AIM2: variants seen among roughly 807,000 people sequenced by gnomAD.
AIM2 encodes the protein interferon-inducible protein AIM2.
Under a neutral mutation model 27.7 loss-of-function variants are expected in AIM2, and 30 were observed. The ratio of observed to expected loss-of-function variants is 1.08; its 90% CI spans 0.81 to 1.47. AIM2 has a LOEUF of 1.47. AIM2 is among the 40% of genes most tolerant of loss of function. The pLI is 0.00. For synonymous variants in AIM2, 141 were observed against 145.3 expected (o/e 0.97, Z 0.21); for missense variants, 358 against 411.3 (o/e 0.87, Z 1.12).
intron 1 of AIM2, among the ~76,000 whole-genome samples, chr1:159,085,171 A>G (rs2102003393): frequency 6.6e-6 from 1 of 152,214 alleles, no homozygotes; most frequent in Non-Finnish European, 1.5e-5. Context: ...CATGTTGATG[A>G]CTTCTAAATC....
At chr1:159,130,882 T>C (rs965913071) in intron 1 of AIM2, among the ~76,000 whole-genome samples, 7 of 151,824 alleles carry the variant, frequency 4.6e-5, no homozygotes, top group African/African-American at 1.7e-4. Flanking sequence ...TGGTATTTTC[T>C]CTTAGGATAA....
At chr1:159,109,452 A>G (rs76089139) in intron 1 of AIM2, among the ~76,000 whole-genome samples, 1 of 152,264 alleles carries the variant, frequency 6.6e-6, no homozygotes, top group Non-Finnish European at 1.5e-5. Flanking sequence ...AAACTATAAA[A>G]ATTCTAGAAG....
chr1:159,062,473 T>G (rs1655868297), downstream of AIM2: 5 of 575,024 alleles, frequency 8.7e-6, no homozygotes, highest in South Asian at 1.1e-4. Context: ...AAGGAGATAG[T>G]GGGACTGTAA....
At chr1:159,070,051 T>C (rs77197757) in intron 2 of AIM2, among the ~76,000 whole-genome samples, 8,181 of 152,238 alleles carry the variant, frequency 0.054, 563 homozygotes, top group East Asian at 0.32. Flanking sequence ...CACAGCTTAG[T>C]GCAAGTCACT....
At chr1:159,141,529 C>T (rs1648109269), upstream of AIM2, among the ~76,000 whole-genome samples, 1 of 152,092 alleles carries the variant, frequency 6.6e-6, no homozygotes, top group South Asian at 2.1e-4. Flanking sequence ...TTTCTCTCCC[C>T]TATAGCCTCC....
At chr1:159,127,115 G>C (rs1205626023) in intron 1 of AIM2, among the ~76,000 whole-genome samples, 1 of 152,176 alleles carries the variant, frequency 6.6e-6, no homozygotes, top group Non-Finnish European at 1.5e-5. Flanking sequence ...CCTACCCCTA[G>C]GGACTGAGAA....
chr1:159,128,404 C>T (rs1647778521), intron 1 of AIM2, among the ~76,000 whole-genome samples: 1 of 152,098 alleles, frequency 6.6e-6, no homozygotes, highest in Non-Finnish European at 1.5e-5. Context: ...TTCTATTTGC[C>T]TTTACTGCAA....
chr1:159,109,608 G>A (rs1039271883), intron 1 of AIM2, among the ~76,000 whole-genome samples: 28 of 152,090 alleles, frequency 1.8e-4, no homozygotes, highest in African/African-American at 6.8e-4. Context: ...GGAACAGTCA[G>A]CAGAGTAAAT....
chr1:159,057,403 A>G, the AIM2 span, among the ~76,000 whole-genome samples: 2 of 152,190 alleles, frequency 1.3e-5, no homozygotes, highest in Non-Finnish European at 2.9e-5. Flanking sequence ...ACACACCTAG[A>G]TAACTGGTGG....
At chr1:159,079,502 A>T (rs1013226062), upstream of AIM2, among the ~76,000 whole-genome samples, 5 of 152,162 alleles carry the variant, frequency 3.3e-5, no homozygotes, top group African/African-American at 1.2e-4. Flanking sequence ...GAGAAAGAAC[A>T]CACACAAAAG....
chr1:159,141,938 C>T (rs754802672), upstream of AIM2, among the ~76,000 whole-genome samples: 20 of 152,208 alleles, frequency 1.3e-4, no homozygotes, highest in Non-Finnish European at 2.9e-4. Flanking sequence ...CAGGACAGAA[C>T]TAGAGCCTTT....
chr1:159,077,417 C>T (rs1656651792), upstream of AIM2, among the ~76,000 whole-genome samples: 2 of 152,106 alleles, frequency 1.3e-5, no homozygotes, highest in Admixed American at 6.6e-5. Flanking sequence ...TGGGAATTTC[C>T]CCATGGAAGT....
At chr1:159,069,003 A>G (rs941960826) in intron 2 of AIM2, among the ~76,000 whole-genome samples, 2 of 152,034 alleles carry the variant, frequency 1.3e-5, no homozygotes, top group Non-Finnish European at 2.9e-5. Flanking sequence ...TTAGCCAGGT[A>G]TAATGGCACA....
intron 1 of AIM2, among the ~76,000 whole-genome samples, chr1:159,088,591 G>A (rs915333619): frequency 4.6e-5 from 7 of 152,106 alleles, no homozygotes; most frequent in Non-Finnish European, 1.0e-4. Flanking sequence ...TTCAAAACTC[G>A]TGTTGAAATT....
intron 1 of AIM2, among the ~76,000 whole-genome samples, chr1:159,124,177 T>G (rs1352010150): frequency 2.0e-5 from 3 of 152,120 alleles, no homozygotes; most frequent in African/African-American, 2.4e-5. Flanking sequence ...ACTCTCAAAA[T>G]GTACCATATT....
upstream of AIM2, among the ~76,000 whole-genome samples, chr1:159,078,282 T>G (rs1406528528): frequency 1.3e-5 from 2 of 152,222 alleles, no homozygotes; most frequent in African/African-American, 2.4e-5. Flanking sequence ...GGGAAGAGAT[T>G]TCTGCCCACT....
At chr1:159,079,894 T>C (rs60574531), upstream of AIM2, among the ~76,000 whole-genome samples, 5,689 of 152,260 alleles carry the variant, frequency 0.037, 367 homozygotes, top group African/African-American at 0.13. Flanking sequence ...ACTGTCTCTA[T>C]AGTTTTGCTG....
chr1:159,128,156 T>C (rs1057018575), intron 1 of AIM2, among the ~76,000 whole-genome samples: 37 of 152,028 alleles, frequency 2.4e-4, no homozygotes, highest in Admixed American at 6.6e-5. Context: ...TAGTATAAAA[T>C]AGTTGCCAGA....
intron 2 of AIM2, among the ~76,000 whole-genome samples, chr1:159,069,419 C>T (rs1322665675): frequency 2.6e-5 from 4 of 151,882 alleles, no homozygotes; most frequent in Admixed American, 6.6e-5. Flanking sequence ...AATAAAAATA[C>T]ACCAATTCTC....
Sources: allele counts gnomAD v4.1 joint callset (sites outside exome capture counted in the v4.1 genomes callset), GRCh38; gene constraint gnomAD v4.1.1; transcripts MANE v1.5; gene names NCBI Gene and HGNC (gene_info 2026-07-23, HGNC 2026-07-21).